DENND2A: variants seen among roughly 807,000 people sequenced by gnomAD.
DENND2A encodes DENN domain containing 2A, also known as DENN domain-containing protein 2A.
In DENND2A, 53 loss-of-function variants were observed where a neutral mutation model predicts 105.3. The observed-to-expected ratio is 0.50, with a 90% CI of 0.40 to 0.63. The LOEUF (loss-of-function observed/expected upper bound fraction) is 0.63, where lower values mean the gene tolerates loss of function less well. Ranked by LOEUF, DENND2A falls within the 30% of genes least tolerant of loss-of-function variation. The pLI is 0.00. For synonymous variants in DENND2A, 522 were observed against 508.4 expected, an observed-to-expected ratio of 1.03 and a Z score of -0.36; for missense variants, 1,138 against 1,279.6, an observed-to-expected ratio of 0.89 and a Z score of 1.69.
chr7:140,592,748 T>A (rs1374855281), intron 3 of DENND2A, among the ~76,000 whole-genome samples: 2 of 152,018 alleles, frequency 1.3e-5, no homozygotes, highest in Non-Finnish European at 2.9e-5. Context: ...TACAGGCACC[T>A]GCCACCATGC....
Position 140,588,307 on chromosome 7 carries a change from A to C in DENND2A, c.996-527T>G, listed in dbSNP as rs147355141. ...CTATTATGCTAAGTGAAAATAATAA[A>C]GTATATGTAAAAAAATAAAATCCCA... On this transcript the variant is annotated intron_variant, in intron 3 of 19. Coordinates refer to ENST00000496613, the MANE Select transcript of DENND2A (RefSeq NM_015689.5). 2.6e-5 allele frequency among the ~76,000 whole-genome samples: 4 copies of C among 152,328 alleles called. No individual in the cohort carries two copies. In the East Asian group the frequency reaches 5.8e-4, roughly 22 times the overall value.
At chr7:140,580,723 G>A (rs951926228) in intron 5 of DENND2A, among the ~76,000 whole-genome samples, 4 of 151,876 alleles carry the variant, frequency 2.6e-5, no homozygotes, top group South Asian at 2.1e-4. Flanking sequence ...TGAAACCTCC[G>A]CCTCCCAGGT....
intron 19 of DENND2A, among the ~76,000 whole-genome samples, chr7:140,519,308 T>C (rs555371816): frequency 6.6e-6 from 1 of 152,348 alleles, no homozygotes; most frequent in African/African-American, 2.4e-5. Context: ...CGAGTCTTTC[T>C]TGCCAGACGT....
At chr7:140,599,217 A>T (rs1799392653) in intron 3 of DENND2A, among the ~76,000 whole-genome samples, 1 of 152,130 alleles carries the variant, frequency 6.6e-6, no homozygotes, top group African/African-American at 2.4e-5. Flanking sequence ...GTGCGCCTGT[A>T]ATCTCAGCTA....
At chr7:140,584,033 G>A (rs533006325) in intron 5 of DENND2A, among the ~76,000 whole-genome samples, 1 of 148,802 alleles carries the variant, frequency 6.7e-6, no homozygotes, top group South Asian at 2.1e-4. Context: ...CTTGAGGTCA[G>A]GAGTTTGAGA....
At position 140,597,980 on chromosome 7, in the gene DENND2A, G is replaced by GA. The variant is rs1799346230; in HGVS notation, c.995+3422_995+3423insT. Among the ~76,000 whole-genome samples, 3 of 151,942 alleles carry GA rather than the reference G, an allele frequency of 2.0e-5. No individual in the cohort carries two copies. In the South Asian group the frequency reaches 6.2e-4, roughly 32 times the overall value. On this transcript the variant is annotated intron_variant, in intron 3 of 19. Transcript: ENST00000496613. ...CAAGTAACACTGAAACTCAAACCTA[G>GA]TAAAGATAGTGCAATCATCCTGTAT...
In DENND2A at chr7:140,519,639, C is replaced by T. The variant is rs750619110; in HGVS notation, c.2991G>A (p.Lys997=). The T allele has an allele frequency of 6.2e-7, 1 of 1,614,086 alleles. No homozygotes were observed. The highest frequency in any genetic ancestry group is 2.2e-5 in the East Asian group (1 of 44,864). ...CAGAGCCCGGGGCCTTACCTAGTCC[C>T]TTCAGGAACTTATTGACACCGCTGT... ...GEHSGVNKFL[K]GLGNKMKFLH... The change falls in exon 19 of 20, where the codon AAG becomes AAA. Residue 997 remains lysine, a synonymous_variant. Transcript: ENST00000496613.
chr7:140,586,039 G>T (rs1451069095), intron 4 of DENND2A, among the ~76,000 whole-genome samples: 2 of 152,026 alleles, frequency 1.3e-5, no homozygotes, highest in Admixed American at 1.3e-4. Flanking sequence ...GGCATTCCCC[G>T]GCTCTAAAGG....
intron 1 of DENND2A, among the ~76,000 whole-genome samples, chr7:140,636,684 CTTTTT>C (rs35563637): frequency 1.0e-5 from 1 of 98,380 alleles, no homozygotes; most frequent in African/African-American, 4.0e-5. Context: ...CCTCCCCAGC[CTTTTT>C]TTTTTTTTTT....
intron 5 of DENND2A, among the ~76,000 whole-genome samples, chr7:140,583,737 G>GAC (rs751846011): frequency 4.0e-5 from 6 of 148,606 alleles, no homozygotes; most frequent in Non-Finnish European, 8.8e-5. Context: ...AGACCATCCT[G>GAC]TGAATGGTGA....
At chr7:140,625,626 G>A (rs1800493021) in intron 1 of DENND2A, among the ~76,000 whole-genome samples, 1 of 152,202 alleles carries the variant, frequency 6.6e-6, no homozygotes, top group Admixed American at 6.5e-5. Flanking sequence ...CGTTTGCAGT[G>A]AGCCGAGATC....
At chr7:140,589,706 C>T (rs61369053) in intron 3 of DENND2A, among the ~76,000 whole-genome samples, 20,317 of 152,182 alleles carry the variant, frequency 0.13, 3,870 homozygotes, top group African/African-American at 0.43. Flanking sequence ...CACAGCTCAC[C>T]GCACCTCAAA....
At chr7:140,626,262 C>T (rs1390777696) in intron 1 of DENND2A, among the ~76,000 whole-genome samples, 1 of 152,200 alleles carries the variant, frequency 6.6e-6, no homozygotes, top group Non-Finnish European at 1.5e-5. Context: ...CCCTGCACAC[C>T]ATGCATGCTG....
At chr7:140,638,772 G>C (rs932072072) in intron 1 of DENND2A, among the ~76,000 whole-genome samples, 1 of 152,166 alleles carries the variant, frequency 6.6e-6, no homozygotes, top group Non-Finnish European at 1.5e-5. Context: ...TTGGTGAGGC[G>C]GTTTTCAGGG....
chr7:140,587,552 G>T, intron 4 of DENND2A, 101 bp downstream of exon 4: 6 of 1,484,740 alleles, frequency 4.0e-6, no homozygotes, highest in Non-Finnish European at 5.5e-6. Flanking sequence ...GTGTGTGTGT[G>T]TACATGTGTG....
At chr7:140,530,152 A>G (rs1796209588) in intron 14 of DENND2A, among the ~76,000 whole-genome samples, 1 of 151,956 alleles carries the variant, frequency 6.6e-6, no homozygotes, top group Non-Finnish European at 1.5e-5. Flanking sequence ...TGAACCTGGA[A>G]GGTTGAGGCT....
At position 140,559,831 on chromosome 7, in the gene DENND2A, G is replaced by A. The variant is rs1554468168; in HGVS notation, c.1780-14C>T. On this transcript the variant is annotated splice_polypyrimidine_tract_variant and intron_variant, in intron 9 of 19. Transcript: ENST00000496613. This position sits in a 1 kb window ranked among gnomAD's most constrained non-coding sequence, Gnocchi z 4.1. ...AGACCTTTCCAACTGCAGGGAGAAA[G>A]GTGAGAGAAAATTCGAGAACAAATC... is the stretch of plus-strand genomic sequence containing the variant. The A allele has an allele frequency of 2.5e-6, 4 of 1,594,062 alleles. No individual in the cohort carries two copies. Among genetic ancestry groups the A allele is most frequent in the Non-Finnish European group, 3.4e-6 (4 of 1,161,856 alleles).
intron 1 of DENND2A, among the ~76,000 whole-genome samples, chr7:140,630,180 G>A (rs538748100): frequency 8.6e-5 from 13 of 151,620 alleles, no homozygotes; most frequent in East Asian, 1.9e-4. Flanking sequence ...GCACCATCGC[G>A]GCTCACTGCA....
chr7:140,594,108 A>T (rs978674470), intron 3 of DENND2A, among the ~76,000 whole-genome samples: 1 of 152,052 alleles, frequency 6.6e-6, no homozygotes, highest in Non-Finnish European at 1.5e-5. Context: ...AGGTTTCACC[A>T]TGTAGGCCAG....
Sources: allele counts gnomAD v4.1 joint callset (sites outside exome capture counted in the v4.1 genomes callset), GRCh38; gene constraint gnomAD v4.1.1; non-coding constraint Gnocchi (gnomAD v3.1); transcripts MANE v1.5; gene names NCBI Gene and HGNC (gene_info 2026-07-23, HGNC 2026-07-21).